ISM1: variants seen among roughly 807,000 people sequenced by gnomAD.
ISM1 encodes isthmin-1.
In ISM1, 25 loss-of-function variants were observed where a neutral mutation model predicts 46.3. That is an observed-to-expected ratio of 0.54 (90% CI 0.39 to 0.75). The LOEUF is 0.75. Among genes scored for constraint, ISM1 ranks in the 30% least tolerant of loss-of-function variants. ISM1 has a pLI of 0.00. For synonymous variants in ISM1, 255 were observed against 256.7 expected (o/e 0.99, Z 0.06); for missense variants, 536 against 625.4 (o/e 0.86, Z 1.52).
the ISM1 span, among the ~76,000 whole-genome samples, chr20:13,318,849 T>A: frequency 2.8e-4 from 42 of 152,292 alleles, 1 homozygote; most frequent in Non-Finnish European, 1.0e-4. Flanking sequence ...AGGAAAAAGA[T>A]CAATGGTTGC....
chr20:13,307,209 C>T, the ISM1 span, among the ~76,000 whole-genome samples: 2 of 152,230 alleles, frequency 1.3e-5, no homozygotes, highest in Non-Finnish European at 2.9e-5. Context: ...CTCCCATCCC[C>T]TCGGCCACAC....
downstream of ISM1, among the ~76,000 whole-genome samples, chr20:13,305,483 G>A (rs2040493013): frequency 6.6e-6 from 1 of 152,160 alleles, no homozygotes; most frequent in Admixed American, 6.5e-5. Context: ...GGGGATTAGG[G>A]CGGAGTTCTC....
chr20:13,300,207 G>A lies in ISM1; in HGVS notation c.*748G>A, dbSNP rs1027547649. ...TCATAATGCTATCATTCTGCTAAACGGCCCCAAAACAGTAGAATTTCTGCT... is the reference window on the plus strand; with the variant it reads ...TCATAATGCTATCATTCTGCTAAACAGCCCCAAAACAGTAGAATTTCTGCT... On this transcript the variant is annotated 3_prime_UTR_variant, in exon 6 of 6. Coordinates refer to ENST00000262487, the MANE Select transcript of ISM1 (RefSeq NM_080826.2). 6.6e-6 allele frequency: 1 copy of A among 152,020 alleles called. No homozygotes were observed. The highest frequency in any genetic ancestry group is 1.5e-5 in the Non-Finnish European group (1 of 68,016). The allele number at this position is 152,020 out of a possible 1,614,324, so 9.4% of individuals were successfully genotyped here. A position where few individuals can be genotyped will look rare whatever the true frequency, so the allele number is the denominator to read the frequency against.
chr20:13,272,208 T>C (rs2040123152), intron 2 of ISM1, among the ~76,000 whole-genome samples: 1 of 152,188 alleles, frequency 6.6e-6, no homozygotes, highest in Non-Finnish European at 1.5e-5. Flanking sequence ...CTCAGACCAA[T>C]TGATCCTTCA....
chr20:13,228,325 GT>G (rs1316510613), intron 1 of ISM1, among the ~76,000 whole-genome samples: 1 of 151,872 alleles, frequency 6.6e-6, no homozygotes, highest in Non-Finnish European at 1.5e-5. Flanking sequence ...CTAGAACACA[GT>G]TTCAAAAATT....
At chr20:13,279,242 AAATAT>A (rs1430190984) in intron 2 of ISM1, among the ~76,000 whole-genome samples, 1 of 152,224 alleles carries the variant, frequency 6.6e-6, no homozygotes, top group Non-Finnish European at 1.5e-5. Flanking sequence ...CTTCAGGAAC[AAATAT>A]AGTACATGTT....
chr20:13,221,339 C>G lies in ISM1; in HGVS notation c.-438C>G, dbSNP rs1298485563. 1.3e-5 allele frequency among the ~76,000 whole-genome samples: 2 copies of G among 148,246 alleles called. No homozygotes were observed. Among genetic ancestry groups the G allele is most frequent in the Non-Finnish European group, 3.0e-5 (2 of 66,166 alleles). ...TCCAGCTGCGGCGCCGCGGCCACAT[C>G]TGGGGCGCCCATGTGCGCTCGGGGG... On this transcript the variant is annotated 5_prime_UTR_variant, in exon 1 of 6. In the 5' UTR this introduces an upstream ATG that the reference lacks. Transcript: ENST00000262487.
chr20:13,326,225 TTTAAG>T, the ISM1 span, among the ~76,000 whole-genome samples: 1 of 152,200 alleles, frequency 6.6e-6, no homozygotes, highest in Admixed American at 6.5e-5. Flanking sequence ...CTAAAGGATA[TTTAAG>T]TTGTTTGTAA....
downstream of ISM1, among the ~76,000 whole-genome samples, chr20:13,304,807 C>T (rs540492397): frequency 7.9e-5 from 12 of 152,232 alleles, no homozygotes; most frequent in Admixed American, 7.2e-4. Flanking sequence ...GATTGAGTTC[C>T]AGTTGCCTAT....
chr20:13,316,773 T>C, the ISM1 span, among the ~76,000 whole-genome samples: 10 of 150,746 alleles, frequency 6.6e-5, no homozygotes, highest in Non-Finnish European at 1.3e-4. Context: ...GAACTAGGAA[T>C]AGATGGGAAC....
rs755192827 is a variant in ISM1, at chr20:13,299,554, C to T, written c.*95C>T. 4.4e-6 allele frequency: 5 copies of T among 1,141,750 alleles called. No homozygotes were observed. The highest frequency in any genetic ancestry group is 6.2e-6 in the Non-Finnish European group (5 of 800,466). 70.7% of individuals were successfully genotyped at this position (1,141,750 alleles called of 1,614,324 possible). ...ACTGGCGCCGAGACCTTCATAGCTGCGGTCGTGTATATTTGTATATACCAC... is the reference window on the plus strand; with the variant it reads ...ACTGGCGCCGAGACCTTCATAGCTGTGGTCGTGTATATTTGTATATACCAC... On this transcript the variant is annotated 3_prime_UTR_variant, in exon 6 of 6. Transcript: ENST00000262487. This position sits in a 1 kb window ranked among gnomAD's most constrained non-coding sequence, Gnocchi z 5.8.
chr20:13,270,613 G>C lies in ISM1; in HGVS notation c.248G>C (p.Arg83Thr). ...DHQAAHQPFPRPRFRQETGHP... is the reference protein window; with the variant it reads ...DHQAAHQPFPTPRFRQETGHP... ...CAGGCTGCACACCAACCCTTCCCCA[G>C]ACCGCGATTCCGACAAGAGACGGGG... is the stretch of plus-strand genomic sequence containing the variant. Residue 83 changes from arginine (R) to threonine (T), a missense_variant, in exon 2 of 6, where the codon AGA becomes ACA. Arg to Thr is a moderately conservative substitution (Grantham distance 71). Coordinates refer to ENST00000262487, the MANE Select transcript of ISM1 (RefSeq NM_080826.2). 6.2e-7 allele frequency: 1 copy of C among 1,613,956 alleles called. No homozygotes were observed. Among genetic ancestry groups the C allele is most frequent in the African/African-American group, 1.3e-5 (1 of 75,034 alleles).
intron 1 of ISM1, among the ~76,000 whole-genome samples, chr20:13,269,272 T>G (rs1344343257): frequency 6.6e-6 from 1 of 152,182 alleles, no homozygotes; most frequent in East Asian, 1.9e-4. Flanking sequence ...GTAAATCTTC[T>G]GTGAGAGGAG....
At chr20:13,250,007 T>C (rs1285565309) in intron 1 of ISM1, among the ~76,000 whole-genome samples, 1 of 152,214 alleles carries the variant, frequency 6.6e-6, no homozygotes, top group African/African-American at 2.4e-5. Context: ...ATAATGGATT[T>C]CCATCGATCG....
chr20:13,308,036 T>G, the ISM1 span, among the ~76,000 whole-genome samples: 1 of 152,028 alleles, frequency 6.6e-6, no homozygotes, highest in Non-Finnish European at 1.5e-5. Context: ...CGTTTAGGAG[T>G]GTTTGAAAGT....
At chr20:13,268,872 C>G (rs1218100074) in intron 1 of ISM1, among the ~76,000 whole-genome samples, 5 of 152,228 alleles carry the variant, frequency 3.3e-5, no homozygotes, top group African/African-American at 9.6e-5. Context: ...CTCAGTTGTG[C>G]CACTGCACTC....
chr20:13,298,955 T>C lies in ISM1; in HGVS notation c.891T>C (p.Cys297=). Residue 297 remains cysteine (C), a synonymous_variant, in exon 6 of 6, where the codon TGT becomes TGC. Coordinates refer to ENST00000262487, the MANE Select transcript of ISM1 (RefSeq NM_080826.2). The stretch of plus-strand genomic sequence containing the variant: ...GGCCTTTTCCAGACACAGACAGCTG[T>C]GAGCGCTGGATGAGCTGCAAAAGCG... ...TKLFEVDTDS[C]ERWMSCKSEF... 6.2e-7 allele frequency: 1 copy of C among 1,613,444 alleles called. No individual in the cohort carries two copies. Among genetic ancestry groups the C allele is most frequent in the Non-Finnish European group, 8.5e-7 (1 of 1,179,694 alleles).
chr20:13,324,130 G>A, the ISM1 span, among the ~76,000 whole-genome samples: 3 of 152,172 alleles, frequency 2.0e-5, no homozygotes, highest in African/African-American at 4.8e-5. Flanking sequence ...CTATCCCTGG[G>A]ACCTAGCTGT....
rs568028814 is a variant in ISM1, at chr20:13,228,219, C to G, written c.138+6305C>G. Among the ~76,000 whole-genome samples, 5 of 152,058 alleles carry G rather than the reference C, an allele frequency of 3.3e-5. No homozygotes were observed. The South Asian group carries it at 6.2e-4, about 19-fold the overall frequency. ...AACTCTTCATCTCAGGTGATCTGCC[C>G]GTCCTGGCCTCCCAAAATGCTGGGA... On this transcript the variant is annotated intron_variant, in intron 1 of 5. Coordinates refer to ENST00000262487, the MANE Select transcript of ISM1 (RefSeq NM_080826.2).
Sources: allele counts gnomAD v4.1 joint callset (sites outside exome capture counted in the v4.1 genomes callset), GRCh38; gene constraint gnomAD v4.1.1; non-coding constraint Gnocchi (gnomAD v3.1); transcripts MANE v1.5; gene names NCBI Gene and HGNC (gene_info 2026-07-23, HGNC 2026-07-21).